The following ENOX1 variants were observed in gnomAD, a reference collection of about 807,000 sequenced individuals.
The protein encoded by ENOX1 is ecto-NOX disulfide-thiol exchanger 1.
ENOX1 carries 42 observed loss-of-function variants against 82.5 expected under a neutral mutation model. The ratio of observed to expected loss-of-function variants is 0.51; its 90% CI spans 0.40 to 0.66. ENOX1 has a LOEUF of 0.66. ENOX1 is among the 30% of genes least tolerant of loss of function. ENOX1 has a pLI of 0.00. For synonymous variants in ENOX1, 271 were observed against 282.2 expected (o/e 0.96, Z 0.40); for missense variants, 608 against 811.6 (o/e 0.75, Z 3.05).
intron 16 of ENOX1, among the ~76,000 whole-genome samples, chr13:43,223,039 A>G (rs912106369): frequency 2.6e-5 from 4 of 152,190 alleles, no homozygotes; most frequent in African/African-American, 9.7e-5. Flanking sequence ...GAGGTTAAAC[A>G]GTTTTGGGAT....
intron 14 of ENOX1, among the ~76,000 whole-genome samples, chr13:43,240,741 G>A (rs539777575): frequency 6.6e-6 from 1 of 152,316 alleles, no homozygotes; most frequent in East Asian, 1.9e-4. Context: ...TTTGGAGGAA[G>A]TAGGATTAGC....
At chr13:43,400,246 T>G (rs2053418069) in intron 5 of ENOX1, among the ~76,000 whole-genome samples, 1 of 152,012 alleles carries the variant, frequency 6.6e-6, no homozygotes, top group Admixed American at 6.6e-5. Flanking sequence ...CCTTCAAGGG[T>G]TCTCCCTTCT....
intron 15 of ENOX1, among the ~76,000 whole-genome samples, chr13:43,235,777 T>C (rs1034249671): frequency 2.0e-5 from 3 of 151,396 alleles, no homozygotes; most frequent in African/African-American, 7.3e-5. Context: ...TTCTGCCAGA[T>C]AATGAACTGC....
intron 2 of ENOX1, among the ~76,000 whole-genome samples, chr13:43,507,738 AGAGG>A (rs2077223287): frequency 6.6e-6 from 1 of 152,066 alleles, no homozygotes. Context: ...AACCTGGGAC[AGAGG>A]GAGGTATCTA....
intron 11 of ENOX1, among the ~76,000 whole-genome samples, chr13:43,315,008 G>A (rs139366539): frequency 6.6e-6 from 1 of 152,154 alleles, no homozygotes; most frequent in Non-Finnish European, 1.5e-5. Flanking sequence ...TTTAACAAAG[G>A]CTTGCTTGTT....
intron 5 of ENOX1, among the ~76,000 whole-genome samples, chr13:43,374,019 G>T (rs2051429324): frequency 6.6e-6 from 1 of 151,986 alleles, no homozygotes; most frequent in Non-Finnish European, 1.5e-5. Context: ...GAAAGGTCAA[G>T]ATCAAAAGCA....
At chr13:43,464,526 C>A (rs531563815) in intron 3 of ENOX1, among the ~76,000 whole-genome samples, 4 of 152,236 alleles carry the variant, frequency 2.6e-5, no homozygotes, top group Non-Finnish European at 5.9e-5. Context: ...ACCACAAGAG[C>A]TTTGCCAATA....
At chr13:43,731,133 CTTCT>C (rs1752353544) in intron 1 of ENOX1, among the ~76,000 whole-genome samples, 1 of 152,158 alleles carries the variant, frequency 6.6e-6, no homozygotes, top group African/African-American at 2.4e-5. Context: ...CTAAGGCCAC[CTTCT>C]TTCTGAGTTC....
At chr13:43,297,169 G>A (rs968724567) in intron 12 of ENOX1, among the ~76,000 whole-genome samples, 5 of 152,146 alleles carry the variant, frequency 3.3e-5, no homozygotes, top group African/African-American at 1.2e-4. Context: ...GATATAATTT[G>A]TACGAGTTGG....
intron 2 of ENOX1, among the ~76,000 whole-genome samples, chr13:43,526,880 G>A (rs773500600): frequency 6.6e-6 from 1 of 152,086 alleles, no homozygotes; most frequent in African/African-American, 2.4e-5. Flanking sequence ...TGTTCCTCAT[G>A]AATGGGATTA....
intron 2 of ENOX1, among the ~76,000 whole-genome samples, chr13:43,537,456 A>G (rs1241355098): frequency 6.6e-6 from 1 of 152,216 alleles, no homozygotes; most frequent in Non-Finnish European, 1.5e-5. Context: ...TGAGTGAGCA[A>G]GCTGAAGCCA....
intron 2 of ENOX1, among the ~76,000 whole-genome samples, chr13:43,502,386 A>C (rs192523061): frequency 1.6e-3 from 245 of 151,710 alleles, no homozygotes; most frequent in Non-Finnish European, 3.2e-3. Flanking sequence ...CCCCAATACA[A>C]ACCAAGACAA....
intron 1 of ENOX1, among the ~76,000 whole-genome samples, chr13:43,729,495 G>A (rs2089203395): frequency 6.6e-6 from 1 of 152,110 alleles, no homozygotes; most frequent in Admixed American, 6.6e-5. Flanking sequence ...ACCAAGAACT[G>A]AGTTTTTAAT....
intron 1 of ENOX1, among the ~76,000 whole-genome samples, chr13:43,721,160 A>T (rs920808603): frequency 2.0e-5 from 3 of 152,320 alleles, no homozygotes; most frequent in Admixed American, 6.5e-5. Flanking sequence ...TTTGGTAAGG[A>T]CGGAGTTGTG....
chr13:43,375,810 A>G (rs150045237), intron 5 of ENOX1, among the ~76,000 whole-genome samples: 1 of 152,352 alleles, frequency 6.6e-6, no homozygotes, highest in East Asian at 1.9e-4. Context: ...TGCATTTATC[A>G]AAAGACATTT....
intron 5 of ENOX1, among the ~76,000 whole-genome samples, chr13:43,400,689 C>T (rs1336935933): frequency 6.6e-6 from 1 of 152,162 alleles, no homozygotes; most frequent in East Asian, 1.9e-4. Flanking sequence ...CTGCAGCATT[C>T]AAGGACAACA....
intron 12 of ENOX1, among the ~76,000 whole-genome samples, chr13:43,282,093 T>C (rs1447217855): frequency 6.6e-6 from 1 of 152,180 alleles, no homozygotes; most frequent in South Asian, 2.1e-4. Context: ...TTTTCTTGGT[T>C]GTTTTAGTTT....
intron 2 of ENOX1, among the ~76,000 whole-genome samples, chr13:43,599,950 G>A (rs2081630730): frequency 6.6e-6 from 1 of 151,764 alleles, no homozygotes; most frequent in Non-Finnish European, 1.5e-5. Context: ...CAGAAGAAAA[G>A]GACCCAATCT....
At chr13:43,692,769 C>CT (rs1362086852) in intron 1 of ENOX1, among the ~76,000 whole-genome samples, 3 of 152,090 alleles carry the variant, frequency 2.0e-5, no homozygotes, top group Non-Finnish European at 2.9e-5. Context: ...AAAAAATACT[C>CT]TGAGTTATTG....
Sources: allele counts gnomAD v4.1 joint callset (sites outside exome capture counted in the v4.1 genomes callset), GRCh38; gene constraint gnomAD v4.1.1; transcripts MANE v1.5; gene names NCBI Gene and HGNC (gene_info 2026-07-23, HGNC 2026-07-21).